Variants in PIK3C2G observed in about 807,000 individuals in gnomAD.
PIK3C2G encodes the protein phosphatidylinositol-4-phosphate 3-kinase catalytic subunit type 2 gamma.
In PIK3C2G, 168 loss-of-function variants were observed where a neutral mutation model predicts 181.1. The ratio of observed to expected loss-of-function variants is 0.93; its 90% confidence interval spans 0.82 to 1.05. The LOEUF (loss-of-function observed/expected upper bound fraction) is 1.05. Among genes scored for constraint, PIK3C2G ranks in the 50% least tolerant of loss-of-function variants. The pLI is 0.00. For synonymous variants in PIK3C2G, 573 were observed against 592.2 expected (o/e 0.97, Z 0.47); for missense variants, 1,869 against 1,732.8 (o/e 1.08, Z -1.40).
At chr12:18,320,122 T>C (rs1165388578) in intron 6 of PIK3C2G, 4 of 152,204 alleles carry the variant, frequency 2.6e-5, no homozygotes, top group African/African-American at 7.2e-5. Flanking sequence ...AATAGTCAGT[T>C]TTAAAAATAG....
chr12:18,688,998 T>G, the PIK3C2G span, among the ~76,000 whole-genome samples: 1 of 148,918 alleles, frequency 6.7e-6, no homozygotes, highest in Non-Finnish European at 1.5e-5. Context: ...AGAGAAGGAG[T>G]AGAAAAGAAA....
chr12:18,720,683 C>T, the PIK3C2G span, among the ~76,000 whole-genome samples: 1 of 152,030 alleles, frequency 6.6e-6, no homozygotes, highest in Admixed American at 6.6e-5. Context: ...TGAGCATTCA[C>T]TTGATTAGAG....
intron 24 of PIK3C2G, among the ~76,000 whole-genome samples, chr12:18,520,914 A>G (rs1469183307): frequency 6.6e-6 from 1 of 151,872 alleles, no homozygotes; most frequent in Non-Finnish European, 1.5e-5. Context: ...TGACCCTTGG[A>G]TGGGGTTTTT....
chr12:18,616,328 C>A (rs966109847), intron 31 of PIK3C2G, among the ~76,000 whole-genome samples: 1 of 152,036 alleles, frequency 6.6e-6, no homozygotes, highest in Non-Finnish European at 1.5e-5. Context: ...CCTTAACACA[C>A]AGTTATTAAA....
At chr12:18,692,838 A>G in the PIK3C2G span, 1 of 1,584,976 alleles carries the variant, frequency 6.3e-7, no homozygotes, top group Non-Finnish European at 8.6e-7. Flanking sequence ...ACTCAAGGAC[A>G]AGAAAAAGAA....
intron 29 of PIK3C2G, among the ~76,000 whole-genome samples, chr12:18,586,919 A>G (rs1005494037): frequency 3.9e-5 from 6 of 152,144 alleles, no homozygotes; most frequent in Non-Finnish European, 5.9e-5. Context: ...AAATCAATAA[A>G]TGTAATTCAT....
At chr12:18,684,329 GA>G in the PIK3C2G span, 1 of 1,514,178 alleles carries the variant, frequency 6.6e-7, no homozygotes, top group South Asian at 1.2e-5. Context: ...CCATATCTAG[GA>G]AAAAATAGAT....
At chr12:18,325,321 A>G (rs1275853033) in intron 8 of PIK3C2G, among the ~76,000 whole-genome samples, 1 of 152,208 alleles carries the variant, frequency 6.6e-6, no homozygotes, top group Non-Finnish European at 1.5e-5. Flanking sequence ...CAAGATGCAT[A>G]AGAAAGAATG....
chr12:18,286,277 T>C (rs1949440647), intron 2 of PIK3C2G, among the ~76,000 whole-genome samples: 1 of 152,052 alleles, frequency 6.6e-6, no homozygotes, highest in African/African-American at 2.4e-5. Flanking sequence ...AAGCATGCAT[T>C]CACATAATTA....
chr12:18,620,568 A>AGATAGATAGATAGATAGATAGATG (rs201479764), intron 31 of PIK3C2G, among the ~76,000 whole-genome samples: 9 of 151,330 alleles, frequency 5.9e-5, no homozygotes, highest in African/African-American at 2.0e-4. Context: ...ATAGATAGAT[A>AGATAGATAGATAGATAGATAGATG]GGTAACCATA....
chr12:18,452,983 A>G (rs1330482241), intron 18 of PIK3C2G, among the ~76,000 whole-genome samples: 1 of 152,160 alleles, frequency 6.6e-6, no homozygotes, highest in Non-Finnish European at 1.5e-5. Context: ...TTTTACTTCC[A>G]ATTATGTGGT....
chr12:18,366,719 A>T (rs1941667633), intron 12 of PIK3C2G, among the ~76,000 whole-genome samples: 1 of 150,022 alleles, frequency 6.7e-6, no homozygotes, highest in African/African-American at 2.5e-5. Context: ...TGAGATCTAT[A>T]CTATACCTGT....
At chr12:18,568,362 T>A (rs1166844016) in intron 29 of PIK3C2G, among the ~76,000 whole-genome samples, 1 of 151,772 alleles carries the variant, frequency 6.6e-6, no homozygotes, top group African/African-American at 2.4e-5. Flanking sequence ...CAGGGTTCTC[T>A]AGAGAAACTG....
chr12:18,636,547 G>GTATTGATAACAAAATGC (rs1452703920), intron 31 of PIK3C2G, among the ~76,000 whole-genome samples: 3 of 152,062 alleles, frequency 2.0e-5, no homozygotes, highest in Non-Finnish European at 4.4e-5. Context: ...TTGTTAACAG[G>GTATTGATAACAAAATGC]TATTGATAAA....
the PIK3C2G span, chr12:18,692,697 C>A: frequency 1.3e-6 from 1 of 741,652 alleles, no homozygotes; most frequent in South Asian, 1.6e-5. Flanking sequence ...AGAACAAAAT[C>A]AAATACAGAC....
intron 1 of PIK3C2G, among the ~76,000 whole-genome samples, chr12:18,252,991 C>A (rs955979677): frequency 1.3e-5 from 2 of 152,104 alleles, no homozygotes; most frequent in Admixed American, 1.3e-4. Context: ...GGGAAACTTT[C>A]CCTGAGATGA....
At chr12:18,318,110 G>A (rs1350530110) in intron 6 of PIK3C2G, among the ~76,000 whole-genome samples, 1 of 152,156 alleles carries the variant, frequency 6.6e-6, no homozygotes, top group Non-Finnish European at 1.5e-5. Flanking sequence ...ACATTTGTGT[G>A]TTATGTCAAA....
At chr12:18,485,910 G>C (rs528244416) in intron 18 of PIK3C2G, among the ~76,000 whole-genome samples, 12 of 152,256 alleles carry the variant, frequency 7.9e-5, no homozygotes, top group African/African-American at 2.9e-4. Context: ...AGAGGCAATG[G>C]ATAAAAACTA....
intron 18 of PIK3C2G, among the ~76,000 whole-genome samples, chr12:18,446,699 G>C (rs969480651): frequency 6.6e-6 from 1 of 152,118 alleles, no homozygotes; most frequent in Non-Finnish European, 1.5e-5. Context: ...GATTAAAAGT[G>C]AATATTTAAT....
Sources: allele counts gnomAD v4.1 joint callset (sites outside exome capture counted in the v4.1 genomes callset), GRCh38; gene constraint gnomAD v4.1.1; transcripts MANE v1.5; gene names NCBI Gene and HGNC (gene_info 2026-07-23, HGNC 2026-07-21).